The following WWOX variants were observed in gnomAD, a reference collection of about 807,000 sequenced individuals.
WWOX encodes the protein WW domain containing oxidoreductase, also known as WW domain-containing oxidoreductase.
In WWOX, 69 loss-of-function variants were observed where a neutral mutation model predicts 46.2. The observed-to-expected ratio is 1.49, with a 90% CI of 1.23 to 1.82. The LOEUF is 1.82. Ranked by LOEUF, WWOX falls within the 40% of genes most tolerant of loss-of-function variation. The pLI, the probability that WWOX is intolerant of heterozygous loss-of-function variation, is 0.00. For synonymous variants in WWOX, 359 were observed against 202.6 expected (o/e 1.77, Z -6.56); for missense variants, 919 against 542.6 (o/e 1.69, Z -6.89).
chr16:78,747,980 G>A (rs938164466), intron 8 of WWOX, among the ~76,000 whole-genome samples: 5 of 152,164 alleles, frequency 3.3e-5, no homozygotes, highest in South Asian at 2.1e-4. Flanking sequence ...GTCCTCTTGC[G>A]TAGCAGCCTA....
chr16:79,191,373 G>A (rs1450595751), intron 8 of WWOX, among the ~76,000 whole-genome samples: 2 of 149,830 alleles, frequency 1.3e-5, no homozygotes, highest in African/African-American at 4.9e-5. Context: ...TCTCTTTATG[G>A]GAGAGAAAGG....
At chr16:78,364,830 G>A (rs1486678155) in intron 5 of WWOX, among the ~76,000 whole-genome samples, 1 of 152,114 alleles carries the variant, frequency 6.6e-6, no homozygotes, top group Non-Finnish European at 1.5e-5. Flanking sequence ...GAGGGAACAA[G>A]GTGTTTTCTG....
At chr16:78,255,544 T>C (rs2038105181) in intron 5 of WWOX, among the ~76,000 whole-genome samples, 1 of 152,146 alleles carries the variant, frequency 6.6e-6, no homozygotes, top group South Asian at 2.1e-4. Flanking sequence ...TTTTCTCTCT[T>C]GGCACTATAG....
chr16:78,575,923 T>C (rs1008591996), intron 8 of WWOX, among the ~76,000 whole-genome samples: 8 of 152,216 alleles, frequency 5.3e-5, no homozygotes, highest in African/African-American at 1.9e-4. Context: ...AAACATGCTA[T>C]ATTAAAAGAG....
intron 8 of WWOX, among the ~76,000 whole-genome samples, chr16:78,635,251 A>G (rs2046539962): frequency 6.6e-6 from 1 of 152,142 alleles, no homozygotes; most frequent in African/African-American, 2.4e-5. Context: ...CTTTCAATCT[A>G]AACCTTAAGT....
chr16:78,982,944 A>G (rs943768719), intron 8 of WWOX, among the ~76,000 whole-genome samples: 2 of 152,206 alleles, frequency 1.3e-5, no homozygotes, highest in African/African-American at 4.8e-5. Context: ...AGCAGATTGC[A>G]TATAAAACTG....
chr16:78,759,027 A>G (rs545501590), intron 8 of WWOX, among the ~76,000 whole-genome samples: 2 of 152,048 alleles, frequency 1.3e-5, no homozygotes, highest in South Asian at 4.2e-4. Context: ...TCTAGCAGGA[A>G]CCTGGAACTT....
chr16:78,364,311 C>A (rs1013487104), intron 5 of WWOX, among the ~76,000 whole-genome samples: 12 of 152,152 alleles, frequency 7.9e-5, no homozygotes, highest in African/African-American at 2.9e-4. Flanking sequence ...TGGATATTGT[C>A]TATCAATTGG....
At chr16:78,653,998 T>G (rs1314950193) in intron 8 of WWOX, among the ~76,000 whole-genome samples, 1 of 152,230 alleles carries the variant, frequency 6.6e-6, no homozygotes. Flanking sequence ...AATTAAGATC[T>G]GCTCAAGGTC....
At chr16:79,108,749 A>G (rs2049358820) in intron 8 of WWOX, among the ~76,000 whole-genome samples, 2 of 152,030 alleles carry the variant, frequency 1.3e-5, no homozygotes, top group East Asian at 3.9e-4. Context: ...AAAAAATAAA[A>G]AATTAGTTAG....
chr16:78,563,083 C>G lies in WWOX; in HGVS notation c.1056+130331C>G, dbSNP rs535018027. 1.4e-4 allele frequency among the ~76,000 whole-genome samples: 22 copies of G among 152,066 alleles called. 1 individual carries two copies. In the South Asian group the frequency reaches 4.4e-3, roughly 30 times the overall value. On this transcript the variant is annotated intron_variant, in intron 8 of 8. Transcript: ENST00000566780. ...ATAATGTATCTGATTTTACAGCATA[C>G]ATACTAATCAGGTTTGAAAGTTGTC...
At chr16:78,846,562 A>T (rs1375007304) in intron 8 of WWOX, among the ~76,000 whole-genome samples, 1 of 152,098 alleles carries the variant, frequency 6.6e-6, no homozygotes, top group Non-Finnish European at 1.5e-5. Context: ...GAATATACAT[A>T]AGTGATGTGC....
At chr16:78,623,237 G>A (rs1349717567) in intron 8 of WWOX, among the ~76,000 whole-genome samples, 4 of 152,200 alleles carry the variant, frequency 2.6e-5, no homozygotes, top group South Asian at 2.1e-4. Flanking sequence ...TTAAGCTTTT[G>A]GTAATTTGTT....
chr16:78,957,007 C>T (rs1323222361), intron 8 of WWOX, among the ~76,000 whole-genome samples: 2 of 152,168 alleles, frequency 1.3e-5, no homozygotes, highest in African/African-American at 4.8e-5. Flanking sequence ...AGCTTGAGGA[C>T]TCCGTGTGTT....
chr16:78,202,363 C>A (rs918408467), intron 5 of WWOX, among the ~76,000 whole-genome samples: 10 of 152,234 alleles, frequency 6.6e-5, no homozygotes, highest in Non-Finnish European at 1.3e-4. Context: ...TGTTCCCTTC[C>A]TTTTCCAGGT....
chr16:78,356,887 A>C (rs2081306732), intron 5 of WWOX, among the ~76,000 whole-genome samples: 1 of 152,168 alleles, frequency 6.6e-6, no homozygotes, highest in African/African-American at 2.4e-5. Flanking sequence ...ATCTCAAAAA[A>C]CAAACAAAAA....
intron 8 of WWOX, among the ~76,000 whole-genome samples, chr16:79,047,078 C>T (rs2048079266): frequency 6.6e-6 from 1 of 152,232 alleles, no homozygotes; most frequent in Admixed American, 6.5e-5. Flanking sequence ...AATATTGCTT[C>T]TCCTTTCAAC....
At position 78,838,801 on chromosome 16, in the gene WWOX, C is replaced by T. The variant is rs150825366; in HGVS notation, c.1057-372807C>T. ...GAGGTTGCAGTGAGCCCAGATCGTG[C>T]CCCTGTACTCCAGCCTGGGCAACAG... On this transcript the variant is annotated intron_variant, in intron 8 of 8. Transcript: ENST00000566780. Among the ~76,000 whole-genome samples the T allele has an allele frequency of 2.2e-3, 338 of 152,238 alleles. 1 individual carries two copies. The highest frequency in any genetic ancestry group is 7.3e-3 in the African/African-American group (305 of 41,538).
chr16:79,151,036 T>G (rs1443580924), intron 8 of WWOX, among the ~76,000 whole-genome samples: 2 of 152,224 alleles, frequency 1.3e-5, no homozygotes, highest in Non-Finnish European at 2.9e-5. Flanking sequence ...AACGTTAGTT[T>G]TCATTTTACC....
Sources: gnomAD v4.1 joint callset for allele counts (sites outside exome capture counted in the v4.1 genomes callset) on GRCh38, gnomAD v4.1.1 for gene constraint, MANE v1.5 for transcripts, NCBI Gene and HGNC (gene_info 2026-07-23, HGNC 2026-07-21) for gene names.